Variants in SPAG16 observed in about 807,000 individuals in gnomAD.
SPAG16 encodes the protein sperm associated antigen 16.
Under a neutral mutation model 80.4 loss-of-function variants are expected in SPAG16, and 86 were observed. The ratio of observed to expected loss-of-function variants is 1.07; its 90% CI spans 0.90 to 1.28. The LOEUF is 1.28. SPAG16 is among the 50% of genes most tolerant of loss of function. The pLI is 0.00. For missense variants in SPAG16, 870 were observed against 765.3 expected (o/e 1.14, Z -1.61); for synonymous variants, 294 against 265.9 (o/e 1.11, Z -1.03).
intron 1 of SPAG16, among the ~76,000 whole-genome samples, chr2:213,286,128 T>C (rs2062047910): frequency 6.6e-6 from 1 of 152,210 alleles, no homozygotes; most frequent in Non-Finnish European, 1.5e-5. Context: ...CCTGCCAAGA[T>C]GTAGCAGTTT....
chr2:214,075,094 ATAATCTTT>A (rs1300260917), intron 13 of SPAG16, among the ~76,000 whole-genome samples: 1 of 152,104 alleles, frequency 6.6e-6, no homozygotes, highest in Non-Finnish European at 1.5e-5. Flanking sequence ...TTTAAACATT[ATAATCTTT>A]TAAACATAGG....
intron 10 of SPAG16, among the ~76,000 whole-genome samples, chr2:213,612,598 C>T (rs139556736): frequency 6.6e-6 from 1 of 152,320 alleles, no homozygotes; most frequent in African/African-American, 2.4e-5. Flanking sequence ...AATCAACCAC[C>T]AATTGATCAC....
At chr2:213,424,560 A>G (rs2069790983) in intron 9 of SPAG16, among the ~76,000 whole-genome samples, 1 of 152,160 alleles carries the variant, frequency 6.6e-6, no homozygotes, top group Non-Finnish European at 1.5e-5. Context: ...AGCTTATTTT[A>G]AAGTGTACTT....
At chr2:214,364,582 A>C (rs993326616) in intron 15 of SPAG16, among the ~76,000 whole-genome samples, 3 of 152,164 alleles carry the variant, frequency 2.0e-5, no homozygotes, top group Non-Finnish European at 4.4e-5. Context: ...GAATCAGCAC[A>C]GGGTTGGATA....
intron 11 of SPAG16, among the ~76,000 whole-genome samples, chr2:213,871,134 G>A (rs1423020589): frequency 6.6e-6 from 1 of 151,958 alleles, no homozygotes; most frequent in African/African-American, 2.4e-5. Context: ...CCTAGTATTA[G>A]TCCTGCATTG....
At position 213,377,517 on chromosome 2, in the gene SPAG16, A is replaced by C. The variant is rs1008123566; in HGVS notation, c.942+2398A>C. Among the ~76,000 whole-genome samples the C allele has an allele frequency of 3.3e-5, 5 of 152,210 alleles. No homozygotes were observed. The East Asian group carries it at 7.7e-4, about 23-fold the overall frequency. On this transcript the variant is annotated intron_variant, in intron 9 of 15. Transcript: ENST00000331683. ...CAGCTTTATGTAACACAAATGCTCC[A>C]CATTTAACATGAAGTTAAATTTTCA... is the stretch of plus-strand genomic sequence containing the variant.
intron 10 of SPAG16, among the ~76,000 whole-genome samples, chr2:213,605,167 C>A (rs1369455755): frequency 2.0e-5 from 3 of 151,896 alleles, no homozygotes; most frequent in African/African-American, 7.3e-5. Flanking sequence ...TGACTTGTAG[C>A]CAATCACACT....
At chr2:214,008,642 G>A (rs1040690081) in intron 12 of SPAG16, among the ~76,000 whole-genome samples, 1 of 152,116 alleles carries the variant, frequency 6.6e-6, no homozygotes, top group Non-Finnish European at 1.5e-5. Flanking sequence ...CTACTCCAGA[G>A]GCTGAGGTAG....
chr2:213,703,269 C>T (rs2065579809), intron 10 of SPAG16, among the ~76,000 whole-genome samples: 1 of 152,186 alleles, frequency 6.6e-6, no homozygotes, highest in African/African-American at 2.4e-5. Flanking sequence ...ACTGTCTTGA[C>T]TGATACAGGT....
At chr2:214,131,093 G>C (rs2054742139) in intron 14 of SPAG16, among the ~76,000 whole-genome samples, 1 of 152,102 alleles carries the variant, frequency 6.6e-6, no homozygotes. Context: ...GGTGTCGTGG[G>C]AGATTCAAAC....
At position 213,410,223 on chromosome 2, in the gene SPAG16, A is replaced by G. The variant is rs147250036; in HGVS notation, c.942+35104A>G. Among the ~76,000 whole-genome samples, 677 of 152,342 alleles carry G rather than the reference A, an allele frequency of 4.4e-3. 3 individuals are homozygous for G. The highest frequency in any genetic ancestry group is 0.015 in the African/African-American group (620 of 41,580). ...TCTTTCATCTATTCTATTACTCTTT[A>G]TTCTTTCCTCTATCTGTTGCTGACC... On this transcript the variant is annotated intron_variant, in intron 9 of 15. Transcript: ENST00000331683.
intron 14 of SPAG16, among the ~76,000 whole-genome samples, chr2:214,128,866 G>A (rs1429678782): frequency 6.6e-6 from 1 of 151,718 alleles, no homozygotes; most frequent in African/African-American, 2.4e-5. Context: ...GATTTGTTAG[G>A]TGGGAAAGAA....
chr2:214,338,112 G>A (rs923011495), intron 15 of SPAG16, among the ~76,000 whole-genome samples: 1 of 152,120 alleles, frequency 6.6e-6, no homozygotes, highest in African/African-American at 2.4e-5. Flanking sequence ...AAGCCATTCA[G>A]TTTAGCATAT....
chr2:214,035,495 G>T (rs974513578), intron 13 of SPAG16, among the ~76,000 whole-genome samples: 2 of 152,218 alleles, frequency 1.3e-5, no homozygotes, highest in African/African-American at 4.8e-5. Flanking sequence ...AAGTCCAGAG[G>T]GGGCTGAGGC....
chr2:213,574,359 G>T (rs1233153023), intron 10 of SPAG16, among the ~76,000 whole-genome samples: 1 of 152,070 alleles, frequency 6.6e-6, no homozygotes, highest in Non-Finnish European at 1.5e-5. Flanking sequence ...AAATTAAGGA[G>T]TAGAGGACAA....
At chr2:213,687,726 A>G (rs1260377329) in intron 10 of SPAG16, among the ~76,000 whole-genome samples, 2 of 152,130 alleles carry the variant, frequency 1.3e-5, no homozygotes, top group Non-Finnish European at 2.9e-5. Context: ...ATGTATCTTG[A>G]CATAGTTTTC....
intron 10 of SPAG16, among the ~76,000 whole-genome samples, chr2:213,740,010 T>G (rs16850835): frequency 0.023 from 3,517 of 152,306 alleles, 137 homozygotes; most frequent in African/African-American, 0.08. Context: ...AACAATACTA[T>G]GAATTCTTTT....
chr2:213,794,197 T>G (rs143834911), intron 10 of SPAG16, among the ~76,000 whole-genome samples: 1 of 152,146 alleles, frequency 6.6e-6, no homozygotes, highest in African/African-American at 2.4e-5. Flanking sequence ...CCTGTTGTAT[T>G]CTAAAAAGAC....
At chr2:213,753,286 A>G (rs1016882332) in intron 10 of SPAG16, among the ~76,000 whole-genome samples, 5 of 152,150 alleles carry the variant, frequency 3.3e-5, no homozygotes, top group Non-Finnish European at 5.9e-5. Flanking sequence ...TGCTGGGATT[A>G]CACGTGTGAG....
Sources: allele counts gnomAD v4.1 joint callset (sites outside exome capture counted in the v4.1 genomes callset), GRCh38; gene constraint gnomAD v4.1.1; transcripts MANE v1.5; gene names NCBI Gene and HGNC (gene_info 2026-07-23, HGNC 2026-07-21).